Variants in BMP8B observed in about 807,000 individuals in gnomAD.
The protein encoded by BMP8B is bone morphogenetic protein 8b.
Under a neutral mutation model 30.3 loss-of-function variants are expected in BMP8B, and 17 were observed. The observed-to-expected ratio is 0.56, with a 90% CI of 0.38 to 0.84. The LOEUF (loss-of-function observed/expected upper bound fraction) is 0.84. BMP8B is among the 40% of genes least tolerant of loss of function. The probability of loss-of-function intolerance (pLI) is 0.00; values close to 1 mark genes in which losing one functional copy is unlikely to be tolerated. For synonymous variants in BMP8B, 131 were observed against 214.7 expected (o/e 0.61, Z 3.41); for missense variants, 253 against 494.6 (o/e 0.51, Z 4.63).
At chr1:39,763,998 G>A in intron 4 of BMP8B, 1 of 617,558 alleles carries the variant, frequency 1.6e-6, no homozygotes, top group Admixed American at 3.2e-5. Context: ...AATGGCTAGA[G>A]TGACACTGTG....
chr1:39,788,444 C>A lies in BMP8B; in HGVS notation c.42G>T (p.Ala14=), dbSNP rs1156580003. ...LPGPLWLLGL[A]LCALGGGGPG... ...GGCCGCCCCCGCCCAGCGCGCATAG[C>A]GCCAGGCCCAGGAGCCAGAGCGGGC... The change falls in exon 1 of 7, where the codon GCG becomes GCT. Residue 14 remains alanine, a synonymous_variant. Coordinates refer to ENST00000372827, the MANE Select transcript of BMP8B (RefSeq NM_001720.5). The surrounding 1 kb of genome is among the most constrained non-coding windows in gnomAD (Gnocchi z 5.8). 8 of 1,034,460 alleles carry A rather than the reference C, an allele frequency of 7.7e-6. No individual in the cohort carries two copies. The highest frequency in any genetic ancestry group is 9.3e-6 in the Non-Finnish European group (8 of 863,358). 64.1% of individuals were successfully genotyped at this position (1,034,460 alleles called of 1,614,324 possible).
At chr1:39,761,071 G>A (rs573001) in intron 6 of BMP8B, 90,446 of 157,598 alleles carry the variant, frequency 0.57, 26,220 homozygotes, top group Middle Eastern at 0.7. Flanking sequence ...GACTGCATCC[G>A]CCCTCAGCAC....
intron 1 of BMP8B, among the ~76,000 whole-genome samples, chr1:39,783,728 T>C (rs1047511610): frequency 1.3e-5 from 2 of 152,122 alleles, no homozygotes; most frequent in African/African-American, 4.8e-5. Context: ...GGCAATATAA[T>C]GAGATCCCGC....
intron 1 of BMP8B, among the ~76,000 whole-genome samples, chr1:39,776,997 A>C (rs1650280068): frequency 6.6e-6 from 1 of 152,214 alleles, no homozygotes. Flanking sequence ...TGGGCTCAAG[A>C]GTAATGGGTG....
chr1:39,787,074 G>A (rs1468637138), intron 1 of BMP8B, among the ~76,000 whole-genome samples: 1 of 152,242 alleles, frequency 6.6e-6, no homozygotes, highest in Admixed American at 6.5e-5. Flanking sequence ...GGCCTGTCCT[G>A]GCTCAGCAGC....
intron 1 of BMP8B, among the ~76,000 whole-genome samples, chr1:39,787,693 C>A (rs1467992426): frequency 2.0e-5 from 3 of 152,194 alleles, no homozygotes; most frequent in African/African-American, 4.8e-5. Flanking sequence ...GAAGAGCCTG[C>A]TGTGGACTCA....
At chr1:39,781,381 C>T (rs752529764) in intron 1 of BMP8B, among the ~76,000 whole-genome samples, 2 of 152,158 alleles carry the variant, frequency 1.3e-5, no homozygotes, top group Admixed American at 1.3e-4. Flanking sequence ...AACCAGCTGG[C>T]CTTGGGCTAA....
Position 39,762,591 on chromosome 1 carries a change from G to A in BMP8B, c.1059+501C>T, listed in dbSNP as rs368670740. Reference sequence around the variant, plus strand: ...AAGATGGCCAAGAGAGAAACTGGGGGAAAAGCCAAAAGGTTGAGAGCCACA... The same window carrying A: ...AAGATGGCCAAGAGAGAAACTGGGGAAAAAGCCAAAAGGTTGAGAGCCACA... On this transcript the variant is annotated intron_variant, in intron 6 of 6. Transcript: ENST00000372827. 810 of 1,550,214 alleles carry A rather than the reference G, an allele frequency of 5.2e-4. 2 individuals carry two copies. The African/African-American group carries it at 9.5e-3, about 18-fold the overall frequency.
At chr1:39,775,140 G>A (rs1486768169) in intron 1 of BMP8B, 102 bp from the exon 2 acceptor site, 2 of 1,546,930 alleles carry the variant, frequency 1.3e-6, no homozygotes, top group Non-Finnish European at 1.8e-6. Context: ...ACCACTCAAG[G>A]TGGAGCGGAC....
chr1:39,783,079 C>G (rs1650761515), intron 1 of BMP8B, among the ~76,000 whole-genome samples: 1 of 152,088 alleles, frequency 6.6e-6, no homozygotes, highest in African/African-American at 2.4e-5. Flanking sequence ...CATTATTATC[C>G]CAGTTTTAAA....
chr1:39,785,929 C>T (rs1420989118), intron 1 of BMP8B, among the ~76,000 whole-genome samples: 1 of 152,236 alleles, frequency 6.6e-6, no homozygotes, highest in African/African-American at 2.4e-5. Context: ...TGGCTGCGCC[C>T]ACCCACAGCC....
In BMP8B at chr1:39,770,448, T is replaced by C. The variant is rs770060692; in HGVS notation, c.673+3860A>G. 3 of 1,609,420 alleles carry C rather than the reference T, an allele frequency of 1.9e-6. 1 individual carries two copies. The highest frequency in any genetic ancestry group is 2.2e-5 in the South Asian group (2 of 90,740). ...CGTTTCTCGTATTTCTGCCCCTTTA[T>C]CACGCGATCTACATAAATGTTAGGA... On this transcript the variant is annotated intron_variant, in intron 3 of 6. Coordinates refer to ENST00000372827, the MANE Select transcript of BMP8B (RefSeq NM_001720.5).
intron 1 of BMP8B, among the ~76,000 whole-genome samples, chr1:39,782,066 G>T (rs930019553): frequency 6.7e-6 from 1 of 150,206 alleles, no homozygotes; most frequent in Admixed American, 6.7e-5. Flanking sequence ...TGAGACAGAA[G>T]AATTGCTTGA....
At chr1:39,767,274 C>T (rs1360324456) in intron 3 of BMP8B, among the ~76,000 whole-genome samples, 1 of 151,998 alleles carries the variant, frequency 6.6e-6, no homozygotes, top group African/African-American at 2.4e-5. Context: ...TTTACAGAAG[C>T]AGAAACTAAG....
intron 6 of BMP8B, 89 bp downstream of exon 6, chr1:39,763,003 C>A: frequency 6.7e-7 from 1 of 1,495,662 alleles, no homozygotes. Context: ...GAGCAGGTGG[C>A]CTCACTGCCC....
intron 1 of BMP8B, among the ~76,000 whole-genome samples, chr1:39,780,903 G>A (rs566990055): frequency 6.4e-4 from 98 of 152,216 alleles, no homozygotes; most frequent in African/African-American, 1.8e-3. Context: ...CTCCAGCCGG[G>A]AGCCATGCCT....
At chr1:39,762,802 C>T (rs1004284344) in intron 6 of BMP8B, among the ~76,000 whole-genome samples, 6 of 152,266 alleles carry the variant, frequency 3.9e-5, no homozygotes, top group Admixed American at 3.9e-4. Context: ...CTGAGCGCTG[C>T]ACACAGGTGC....
At chr1:39,776,680 A>G (rs1488725730) in intron 1 of BMP8B, among the ~76,000 whole-genome samples, 1 of 152,226 alleles carries the variant, frequency 6.6e-6, no homozygotes, top group East Asian at 1.9e-4. Context: ...CACAGCACCC[A>G]AGGGTGTCTT....
chr1:39,786,773 C>T lies in BMP8B; in HGVS notation c.334+1379G>A, dbSNP rs1234142194. On this transcript the variant is annotated intron_variant, in intron 1 of 6. Transcript: ENST00000372827. Reference sequence around the variant, plus strand: ...AACTACAAAGGCAGCATCCAGATCCCACCGGCTAGAGTCCTGTCCCTGGCA... The same window carrying T: ...AACTACAAAGGCAGCATCCAGATCCTACCGGCTAGAGTCCTGTCCCTGGCA... Among the ~76,000 whole-genome samples the T allele has an allele frequency of 2.0e-5, 3 of 152,232 alleles. No homozygotes were observed. The East Asian group carries it at 5.8e-4, about 29-fold the overall frequency.
Sources: allele counts gnomAD v4.1 joint callset (sites outside exome capture counted in the v4.1 genomes callset), GRCh38; gene constraint gnomAD v4.1.1; non-coding constraint Gnocchi (gnomAD v3.1); transcripts MANE v1.5; gene names NCBI Gene and HGNC (gene_info 2026-07-23, HGNC 2026-07-21).